The following FMN2 variants were observed in gnomAD, a reference collection of about 807,000 sequenced individuals.
FMN2 encodes formin-2.
A neutral mutation model predicts 142.3 loss-of-function variants in FMN2; 51 were observed. The observed-to-expected ratio is 0.36, with a 90% CI of 0.29 to 0.45. FMN2 has a LOEUF of 0.45. Among genes scored for constraint, FMN2 ranks in the 20% least tolerant of loss-of-function variants. FMN2 has a pLI of 1.00. For synonymous variants in FMN2, 882 were observed against 869.8 expected (o/e 1.01, Z -0.25); for missense variants, 1,936 against 2,122.8 (o/e 0.91, Z 1.73).
At position 240,355,797 on chromosome 1, in the gene FMN2, ATGT is replaced by A; in HGVS notation, c.4766-17_4766-15del. On this transcript the variant is annotated splice_polypyrimidine_tract_variant and intron_variant, in intron 13 of 17. Transcript: ENST00000319653. ...CACTAACAGTGTGACACTCTAAATA[ATGT>A]TCTGTCTAATTTCAGCCTGTGAAGT... The A allele has an allele frequency of 6.3e-7, 1 of 1,576,736 alleles. No individual in the cohort carries two copies. Among genetic ancestry groups the A allele is most frequent in the South Asian group, 1.1e-5 (1 of 89,684 alleles).
chr1:240,161,103 T>C (rs1664256552), intron 2 of FMN2, among the ~76,000 whole-genome samples: 1 of 151,908 alleles, frequency 6.6e-6, no homozygotes, highest in Admixed American at 6.6e-5. Context: ...ATTTATCATG[T>C]TTATGGTTTT....
chr1:240,210,019 C>A (rs1439027411), intron 5 of FMN2, among the ~76,000 whole-genome samples: 1 of 152,122 alleles, frequency 6.6e-6, no homozygotes, highest in Non-Finnish European at 1.5e-5. Context: ...ATATCCATAC[C>A]CCAAGTGTGA....
intron 8 of FMN2, among the ~76,000 whole-genome samples, chr1:240,312,856 C>T (rs933377544): frequency 3.3e-5 from 5 of 152,118 alleles, no homozygotes; most frequent in Non-Finnish European, 4.4e-5. Flanking sequence ...CTGATCAGAT[C>T]GCTGCCCTAC....
rs543291259 is a variant in FMN2 at position 240,429,979 on chromosome 1, G to A, written c.4911-8082G>A. 4.5e-3 allele frequency among the ~76,000 whole-genome samples: 682 copies of A among 150,712 alleles called. 2 individuals carry two copies. The highest frequency in any genetic ancestry group is 7.2e-3 in the Non-Finnish European group (491 of 67,796). On this transcript the variant is annotated intron_variant, in intron 15 of 17. Transcript: ENST00000319653. ...CAGCTCACTGCAAGCTCTGCCTCCCGGGTCCACGCCATTCTCCTGCCTCAG... is the reference window on the plus strand; with the variant it reads ...CAGCTCACTGCAAGCTCTGCCTCCCAGGTCCACGCCATTCTCCTGCCTCAG...
At chr1:240,441,665 T>C (rs557377708) in intron 16 of FMN2, among the ~76,000 whole-genome samples, 99 of 151,282 alleles carry the variant, frequency 6.5e-4, no homozygotes, top group African/African-American at 2.3e-3. Context: ...TCTGGATTAG[T>C]GTCCTCATAT....
chr1:240,307,618 A>G (rs1670455216), intron 8 of FMN2, among the ~76,000 whole-genome samples: 1 of 152,178 alleles, frequency 6.6e-6, no homozygotes, highest in Non-Finnish European at 1.5e-5. Flanking sequence ...CTATTTTTGT[A>G]CCATGCTGTT....
intron 8 of FMN2, among the ~76,000 whole-genome samples, chr1:240,322,959 T>C (rs544675465): frequency 6.6e-6 from 1 of 152,272 alleles, no homozygotes; most frequent in East Asian, 1.9e-4. Context: ...TCATAATAAC[T>C]TGATTTCCCT....
chr1:240,218,067 A>G lies in FMN2; in HGVS notation c.4065+6832A>G, dbSNP rs576719791. On this transcript the variant is annotated intron_variant, in intron 6 of 17. Coordinates refer to ENST00000319653, the MANE Select transcript of FMN2 (RefSeq NM_020066.5). ...TGGGAGGCCTAGGTGGGCGGATCACAAGGTCAAGAGATCGAGACCATCCTG... is the reference window on the plus strand; with the variant it reads ...TGGGAGGCCTAGGTGGGCGGATCACGAGGTCAAGAGATCGAGACCATCCTG... Among the ~76,000 whole-genome samples, 6 of 152,012 alleles carry G rather than the reference A, an allele frequency of 3.9e-5. No homozygotes were observed. The South Asian group carries it at 1.2e-3, about 32-fold the overall frequency.
intron 2 of FMN2, among the ~76,000 whole-genome samples, chr1:240,138,845 C>T (rs1009722064): frequency 6.6e-6 from 1 of 152,166 alleles, no homozygotes; most frequent in Admixed American, 6.5e-5. Flanking sequence ...ATTTTCTTCT[C>T]ATAATACCAC....
intron 13 of FMN2, among the ~76,000 whole-genome samples, chr1:240,337,203 C>CTTTTCT (rs1305027690): frequency 1.2e-4 from 11 of 90,570 alleles, no homozygotes; most frequent in African/African-American, 4.1e-4. Flanking sequence ...TATTCCTTTT[C>CTTTTCT]TTTTTTTTTT....
intron 14 of FMN2, 68 bp from the exon 15 acceptor site, chr1:240,392,443 G>A (rs1673634796): frequency 8.1e-7 from 1 of 1,235,380 alleles, no homozygotes; most frequent in East Asian, 2.4e-5. Flanking sequence ...ATGTAGGGCA[G>A]ATGTTGCTTG....
chr1:240,464,605 C>T (rs935986625), intron 16 of FMN2, among the ~76,000 whole-genome samples: 2 of 152,022 alleles, frequency 1.3e-5, no homozygotes, highest in Non-Finnish European at 2.9e-5. Flanking sequence ...CTGTAAAATT[C>T]GGCTCCTGTT....
In FMN2 at chr1:240,333,902, CT is replaced by C. The variant is rs769121843; in HGVS notation, c.4604del (p.Leu1535CysfsTer37). 1.9e-6 allele frequency: 3 copies of C among 1,608,012 alleles called. No homozygotes were observed. Among genetic ancestry groups the C allele is most frequent in the Non-Finnish European group, 8.5e-7 (1 of 1,177,604 alleles). On this transcript the variant is annotated frameshift_variant, in exon 12 of 18. Transcript: ENST00000319653. LOFTEE classifies it high-confidence loss of function. The part of the protein sequence containing the change: ...DVKSSDNSRS[L>X]LSYIVSYYLR... ...TTCTGCCTAGGACAATAGCAGAAGC[CT>C]TTTGTCATATATTGTTTCGTATTAT...
intron 16 of FMN2, among the ~76,000 whole-genome samples, chr1:240,449,132 G>A (rs1211674847): frequency 1.4e-5 from 2 of 146,104 alleles, no homozygotes; most frequent in African/African-American, 5.1e-5. Context: ...AAGAAAGTGA[G>A]ACCCTGTCTC....
chr1:240,263,595 G>T (rs1457721940), intron 7 of FMN2, among the ~76,000 whole-genome samples: 1 of 152,194 alleles, frequency 6.6e-6, no homozygotes, highest in African/African-American at 2.4e-5. Context: ...TTTAGATAGA[G>T]ATAGCTGAGC....
intron 1 of FMN2, among the ~76,000 whole-genome samples, chr1:240,096,328 T>C (rs1661194895): frequency 6.6e-6 from 1 of 152,234 alleles, no homozygotes; most frequent in African/African-American, 2.4e-5. Context: ...CCTCCTTTAA[T>C]GGTTGAACAT....
intron 6 of FMN2, among the ~76,000 whole-genome samples, chr1:240,257,458 T>A (rs4659951): frequency 0.72 from 109,616 of 151,886 alleles, 40,920 homozygotes; most frequent in African/African-American, 0.91. Context: ...TTTAAAAAAA[T>A]TTTTCATGAC....
At chr1:240,198,192 C>A (rs1317767748) in intron 4 of FMN2, among the ~76,000 whole-genome samples, 1 of 152,138 alleles carries the variant, frequency 6.6e-6, no homozygotes, top group African/African-American at 2.4e-5. Context: ...GTACCTCCTG[C>A]AACTCTAGCT....
chr1:240,264,688 A>G (rs923064832), intron 7 of FMN2, among the ~76,000 whole-genome samples: 4 of 152,172 alleles, frequency 2.6e-5, no homozygotes, highest in Admixed American at 2.0e-4. Flanking sequence ...AGTTTCACCT[A>G]TATCCCTGCA....
Sources: gnomAD v4.1 joint callset for allele counts (sites outside exome capture counted in the v4.1 genomes callset) on GRCh38, gnomAD v4.1.1 for gene constraint, MANE v1.5 for transcripts, NCBI Gene and HGNC (gene_info 2026-07-23, HGNC 2026-07-21) for gene names.